Variants in RNF150 observed in about 807,000 individuals in gnomAD.
The protein encoded by RNF150 is ring finger protein 150.
Under a neutral mutation model 39.3 loss-of-function variants are expected in RNF150, and 24 were observed. The ratio of observed to expected loss-of-function variants is 0.61; its 90% CI spans 0.44 to 0.86. The LOEUF is 0.86. Ranked by LOEUF, RNF150 falls within the 40% of genes least tolerant of loss-of-function variation. The pLI, the probability that RNF150 is intolerant of heterozygous loss-of-function variation, is 0.00. For synonymous variants in RNF150, 255 were observed against 227.3 expected (o/e 1.12, Z -1.10); for missense variants, 502 against 587.8 (o/e 0.85, Z 1.51).
intron 1 of RNF150, among the ~76,000 whole-genome samples, chr4:141,173,254 C>T (rs1176209895): frequency 6.6e-6 from 1 of 152,124 alleles, no homozygotes; most frequent in Admixed American, 6.5e-5. Context: ...TCAATTATCA[C>T]CTGTTACATT....
At chr4:140,930,603 C>T (rs1327723950) in intron 4 of RNF150, among the ~76,000 whole-genome samples, 1 of 152,238 alleles carries the variant, frequency 6.6e-6, no homozygotes, top group Non-Finnish European at 1.5e-5. Context: ...TTCATGCACT[C>T]TTCCTGAATC....
At chr4:140,994,323 A>G (rs1479028206) in intron 1 of RNF150, among the ~76,000 whole-genome samples, 1 of 152,244 alleles carries the variant, frequency 6.6e-6, no homozygotes, top group Non-Finnish European at 1.5e-5. Context: ...AAAGGCCCAA[A>G]GGATATGACA....
At chr4:141,017,953 C>T (rs1008919740) in intron 1 of RNF150, among the ~76,000 whole-genome samples, 3 of 152,170 alleles carry the variant, frequency 2.0e-5, no homozygotes, top group African/African-American at 7.2e-5. Context: ...AATAAAGCTG[C>T]TGTAAACATC....
intron 1 of RNF150, among the ~76,000 whole-genome samples, chr4:141,078,653 G>A (rs746758213): frequency 3.7e-4 from 56 of 150,980 alleles, no homozygotes; most frequent in Non-Finnish European, 3.0e-4. Flanking sequence ...AGCCGGGCGC[G>A]GTGGCAGGCA....
At chr4:140,884,231 G>A (rs984692579) in intron 6 of RNF150, among the ~76,000 whole-genome samples, 7 of 151,860 alleles carry the variant, frequency 4.6e-5, no homozygotes, top group African/African-American at 1.7e-4. Context: ...TTAATTCATT[G>A]GGCATCTTTA....
intron 1 of RNF150, among the ~76,000 whole-genome samples, chr4:141,185,959 C>A (rs367693793): frequency 6.6e-6 from 1 of 152,156 alleles, no homozygotes; most frequent in Non-Finnish European, 1.5e-5. Flanking sequence ...ATTTTTGCAT[C>A]GATGTTCATC....
At chr4:141,004,040 A>T (rs1042685729) in intron 1 of RNF150, among the ~76,000 whole-genome samples, 2 of 152,286 alleles carry the variant, frequency 1.3e-5, no homozygotes, top group East Asian at 3.9e-4. Flanking sequence ...TACTAAAAAA[A>T]TTATACCTGC....
rs114637107 is a variant in RNF150, at chr4:141,048,716, G to C, written c.485-80843C>G. Among the ~76,000 whole-genome samples the C allele has an allele frequency of 3.7e-3, 556 of 152,214 alleles. 10 individuals are homozygous for C. Among genetic ancestry groups the C allele is most frequent in the Non-Finnish European group, 5.3e-3 (362 of 68,002 alleles). Reference sequence around the variant, plus strand: ...CCACTGTACTCCAGCCTGGGTGACAGAGTGAGACCCTGTCTCTAAAAAATA... The same window carrying C: ...CCACTGTACTCCAGCCTGGGTGACACAGTGAGACCCTGTCTCTAAAAAATA... On this transcript the variant is annotated intron_variant, in intron 1 of 6. Transcript: ENST00000515673.
intron 6 of RNF150, among the ~76,000 whole-genome samples, chr4:140,886,063 C>A (rs1341459995): frequency 6.6e-6 from 1 of 151,908 alleles, no homozygotes; most frequent in South Asian, 2.1e-4. Context: ...TGGTGGCAGG[C>A]GCCTGTAGTC....
At position 140,863,970 on chromosome 4, in the gene RNF150, T is replaced by C. The variant is rs1236485074; in HGVS notation, c.*4291A>G. The C allele has an allele frequency of 6.6e-6, 1 of 152,154 alleles. No homozygotes were observed. The highest frequency in any genetic ancestry group is 1.5e-5 in the Non-Finnish European group (1 of 68,020). The allele number at this position is 152,154 out of a possible 1,614,324, so 9.4% of individuals were successfully genotyped here. The stretch of plus-strand genomic sequence containing the variant: ...CCTATGTTAGATCACTGGCATTGAT[T>C]TGGTTTTGAGAGTATGGTAGCCTCA... On this transcript the variant is annotated 3_prime_UTR_variant, in exon 7 of 7. Coordinates refer to ENST00000515673, the MANE Select transcript of RNF150 (RefSeq NM_020724.2).
chr4:141,123,439 A>C (rs1321892616), intron 1 of RNF150, among the ~76,000 whole-genome samples: 1 of 152,212 alleles, frequency 6.6e-6, no homozygotes, highest in East Asian at 1.9e-4. Context: ...GTTTCCTTCC[A>C]AAAAATTTAT....
chr4:140,888,166 G>A lies in RNF150; in HGVS notation c.1199-19787C>T, dbSNP rs189024378. ...TGCATAATTCACCTTTAGTTGGTTT[G>A]AAAGCAGGTCATAACTGGTATGTTG... On this transcript the variant is annotated intron_variant, in intron 6 of 6. Coordinates refer to ENST00000515673, the MANE Select transcript of RNF150 (RefSeq NM_020724.2). Among the ~76,000 whole-genome samples, 7 of 152,304 alleles carry A rather than the reference G, an allele frequency of 4.6e-5. No individual in the cohort carries two copies. The East Asian group carries it at 1.2e-3, about 25-fold the overall frequency.
chr4:140,963,486 A>C (rs75624929), intron 2 of RNF150, among the ~76,000 whole-genome samples: 7,310 of 152,188 alleles, frequency 0.048, 256 homozygotes, highest in African/African-American at 0.093. Context: ...ATTACAATTA[A>C]TTTAAATAGC....
At chr4:140,898,703 A>G (rs1434406526) in intron 6 of RNF150, among the ~76,000 whole-genome samples, 1 of 152,238 alleles carries the variant, frequency 6.6e-6, no homozygotes, top group African/African-American at 2.4e-5. Context: ...TCAGTTTTTT[A>G]ACAAGGAAGA....
chr4:141,109,754 A>C (rs1027097684), intron 1 of RNF150, among the ~76,000 whole-genome samples: 6 of 152,180 alleles, frequency 3.9e-5, no homozygotes, highest in Admixed American at 1.3e-4. Flanking sequence ...ATAAAATGTG[A>C]ATATTTAAAA....
At chr4:140,892,165 G>T (rs1816162) in intron 6 of RNF150, among the ~76,000 whole-genome samples, 35,017 of 144,694 alleles carry the variant, frequency 0.24, 4,320 homozygotes, top group Middle Eastern at 0.36. Context: ...AGATTTTTTT[G>T]TCCTGAATAT....
intron 1 of RNF150, among the ~76,000 whole-genome samples, chr4:141,112,572 T>C (rs889481293): frequency 6.6e-6 from 1 of 152,212 alleles, no homozygotes; most frequent in Non-Finnish European, 1.5e-5. Context: ...CTTCTGGTTG[T>C]AGGGTTTCTG....
At chr4:141,012,654 G>A (rs1057453296) in intron 1 of RNF150, among the ~76,000 whole-genome samples, 18 of 151,760 alleles carry the variant, frequency 1.2e-4, no homozygotes, top group African/African-American at 3.1e-4. Flanking sequence ...GTGGTGGCAC[G>A]TGCCTGTAGT....
At chr4:140,968,760 T>A (rs1332365379) in intron 1 of RNF150, among the ~76,000 whole-genome samples, 1 of 151,816 alleles carries the variant, frequency 6.6e-6, no homozygotes, top group Non-Finnish European at 1.5e-5. Flanking sequence ...CATGACACTG[T>A]GTGAAGTGAA....
Sources: gnomAD v4.1 joint callset for allele counts (sites outside exome capture counted in the v4.1 genomes callset) on GRCh38, gnomAD v4.1.1 for gene constraint, MANE v1.5 for transcripts, NCBI Gene and HGNC (gene_info 2026-07-23, HGNC 2026-07-21) for gene names.